The following CTNNA3 variants were observed in gnomAD, a reference collection of about 807,000 sequenced individuals.
The protein encoded by CTNNA3 is catenin alpha-3.
Under a neutral mutation model 95.7 loss-of-function variants are expected in CTNNA3, and 76 were observed. The ratio of observed to expected loss-of-function variants is 0.79; its 90% confidence interval spans 0.66 to 0.96. CTNNA3 has a LOEUF of 0.96. Among genes scored for constraint, CTNNA3 ranks in the 40% least tolerant of loss-of-function variants. The pLI, the probability that CTNNA3 is intolerant of heterozygous loss-of-function variation, is 0.00. For synonymous variants in CTNNA3, 431 were observed against 374.4 expected (o/e 1.15, Z -1.74); for missense variants, 1,191 against 1,089.8 (o/e 1.09, Z -1.31).
intron 13 of CTNNA3, among the ~76,000 whole-genome samples, chr10:66,196,789 C>A (rs1451409846): frequency 6.6e-6 from 1 of 152,012 alleles, no homozygotes; most frequent in African/African-American, 2.4e-5. Flanking sequence ...CCAGGAAGCC[C>A]ATTACTCACC....
chr10:66,957,208 C>T (rs536915766), intron 7 of CTNNA3, among the ~76,000 whole-genome samples: 53 of 152,056 alleles, frequency 3.5e-4, no homozygotes, highest in African/African-American at 1.2e-3. Flanking sequence ...ATATCTCCCA[C>T]AGTCTGGCTT....
At chr10:66,212,736 G>T (rs1283154897) in intron 13 of CTNNA3, among the ~76,000 whole-genome samples, 9 of 152,164 alleles carry the variant, frequency 5.9e-5, no homozygotes, top group Admixed American at 5.9e-4. Context: ...AAGCATGGTG[G>T]CTCACACCTA....
At chr10:67,275,590 T>C (rs2132429134) in intron 5 of CTNNA3, among the ~76,000 whole-genome samples, 1 of 151,994 alleles carries the variant, frequency 6.6e-6, no homozygotes, top group African/African-American at 2.4e-5. Context: ...ATGATAAGGA[T>C]AAAATCAGAA....
chr10:66,342,248 C>T (rs76206211), intron 12 of CTNNA3, among the ~76,000 whole-genome samples: 7,098 of 151,990 alleles, frequency 0.047, 262 homozygotes, highest in Non-Finnish European at 0.062. Context: ...TGGCTTTAAA[C>T]GCTGGGATCA....
At chr10:66,777,803 A>G (rs1180322967) in intron 7 of CTNNA3, among the ~76,000 whole-genome samples, 1 of 149,400 alleles carries the variant, frequency 6.7e-6, no homozygotes, top group African/African-American at 2.5e-5. Flanking sequence ...ACACATGCAC[A>G]CACACACACA....
chr10:66,793,427 G>A (rs1158984490), intron 7 of CTNNA3, among the ~76,000 whole-genome samples: 1 of 152,060 alleles, frequency 6.6e-6, no homozygotes, highest in Non-Finnish European at 1.5e-5. Flanking sequence ...ACAGGCATGA[G>A]CCACTGCAAC....
chr10:66,146,159 C>CT (rs1249734534), intron 13 of CTNNA3, among the ~76,000 whole-genome samples: 1 of 152,028 alleles, frequency 6.6e-6, no homozygotes, highest in African/African-American at 2.4e-5. Context: ...GCCGAAGTGG[C>CT]TTTTTTATAT....
intron 9 of CTNNA3, among the ~76,000 whole-genome samples, chr10:66,751,542 T>C (rs935730820): frequency 6.6e-6 from 1 of 152,186 alleles, no homozygotes; most frequent in African/African-American, 2.4e-5. Flanking sequence ...AATAAATGAA[T>C]AGGTGTGCTG....
At chr10:66,166,407 T>C (rs1301492087) in intron 13 of CTNNA3, among the ~76,000 whole-genome samples, 1 of 150,762 alleles carries the variant, frequency 6.6e-6, no homozygotes, top group Admixed American at 6.6e-5. Flanking sequence ...AGCATGAGAA[T>C]TGCTTGAACC....
chr10:66,752,365 G>A (rs543209503), intron 9 of CTNNA3, among the ~76,000 whole-genome samples: 2 of 152,090 alleles, frequency 1.3e-5, no homozygotes, highest in African/African-American at 2.4e-5. Flanking sequence ...AGCAAATAAC[G>A]CTGAAACAAT....
intron 5 of CTNNA3, among the ~76,000 whole-genome samples, chr10:67,369,938 A>T (rs1345599780): frequency 6.6e-6 from 1 of 152,108 alleles, no homozygotes; most frequent in Non-Finnish European, 1.5e-5. Context: ...TTAACCCCAA[A>T]CTTTCACTTC....
At chr10:67,559,649 T>C (rs929867069) in intron 3 of CTNNA3, among the ~76,000 whole-genome samples, 2 of 152,104 alleles carry the variant, frequency 1.3e-5, no homozygotes, top group Admixed American at 1.3e-4. Flanking sequence ...AGAATGACTT[T>C]GACAAGTTGA....
intron 9 of CTNNA3, among the ~76,000 whole-genome samples, chr10:66,630,454 T>C (rs1845092955): frequency 1.3e-5 from 2 of 152,258 alleles, no homozygotes; most frequent in South Asian, 4.1e-4. Flanking sequence ...AGATATCAAA[T>C]ATGGAACTAC....
intron 13 of CTNNA3, among the ~76,000 whole-genome samples, chr10:66,212,412 T>G (rs936197847): frequency 1.3e-5 from 2 of 152,212 alleles, no homozygotes; most frequent in African/African-American, 4.8e-5. Flanking sequence ...TCAGGTTACT[T>G]TGCTGTTGTT....
intron 7 of CTNNA3, among the ~76,000 whole-genome samples, chr10:66,980,635 T>C (rs997003788): frequency 6.6e-6 from 1 of 152,164 alleles, no homozygotes; most frequent in Non-Finnish European, 1.5e-5. Context: ...ATGAGATTCT[T>C]GCAAGCCCGC....
chr10:66,028,330 G>C (rs990850930), intron 15 of CTNNA3, among the ~76,000 whole-genome samples: 1 of 152,102 alleles, frequency 6.6e-6, no homozygotes, highest in Non-Finnish European at 1.5e-5. Context: ...CACAATAGCA[G>C]ACTTGGAACC....
At chr10:66,584,545 C>T (rs950566089) in intron 10 of CTNNA3, among the ~76,000 whole-genome samples, 2 of 151,714 alleles carry the variant, frequency 1.3e-5, no homozygotes, top group African/African-American at 2.4e-5. Flanking sequence ...TCTTTTTTCA[C>T]CCCATTAGCT....
intron 11 of CTNNA3, among the ~76,000 whole-genome samples, chr10:66,380,388 T>C (rs1037116402): frequency 2.6e-5 from 4 of 152,032 alleles, no homozygotes; most frequent in African/African-American, 7.2e-5. Context: ...GGAAGGAGGA[T>C]GACTTGGGGC....
intron 14 of CTNNA3, among the ~76,000 whole-genome samples, chr10:66,074,108 C>T (rs2080497872): frequency 6.6e-6 from 1 of 151,932 alleles, no homozygotes; most frequent in Non-Finnish European, 1.5e-5. Context: ...CACATGAATT[C>T]TTGTGTCTGG....
Sources: gnomAD v4.1 joint callset for allele counts (sites outside exome capture counted in the v4.1 genomes callset) on GRCh38, gnomAD v4.1.1 for gene constraint, MANE v1.5 for transcripts, NCBI Gene and HGNC (gene_info 2026-07-23, HGNC 2026-07-21) for gene names.